Variants in SLC3A2 observed in about 807,000 individuals in gnomAD.
The protein encoded by SLC3A2 is amino acid transporter heavy chain SLC3A2.
SLC3A2 carries 32 observed loss-of-function variants against 48.5 expected under a neutral mutation model. That is an observed-to-expected ratio of 0.66 (90% CI 0.50 to 0.89). The LOEUF (loss-of-function observed/expected upper bound fraction) is 0.89. Among genes scored for constraint, SLC3A2 ranks in the 40% least tolerant of loss-of-function variants. The pLI is 0.00. For missense variants in SLC3A2, 587 were observed against 680.7 expected (o/e 0.86, Z 1.53); for synonymous variants, 277 against 288.8 (o/e 0.96, Z 0.41).
intron 1 of SLC3A2, among the ~76,000 whole-genome samples, chr11:62,872,605 A>AT (rs1235757535): frequency 6.6e-6 from 1 of 152,028 alleles, no homozygotes; most frequent in Admixed American, 6.6e-5. Context: ...AAATTAACCA[A>AT]TTTTTTCTTT....
At chr11:62,865,603 C>G (rs1183115269) in intron 1 of SLC3A2, among the ~76,000 whole-genome samples, 2 of 150,266 alleles carry the variant, frequency 1.3e-5, no homozygotes, top group Non-Finnish European at 3.0e-5. Flanking sequence ...GATCCAGGAG[C>G]TGAATCAAGG....
At chr11:62,862,636 A>G (rs971298578) in intron 1 of SLC3A2, among the ~76,000 whole-genome samples, 2 of 152,132 alleles carry the variant, frequency 1.3e-5, no homozygotes, top group African/African-American at 4.8e-5. Context: ...ACAATTCACA[A>G]ATAGGACTCA....
At chr11:62,886,221 A>C (rs1404254026) in intron 7 of SLC3A2, among the ~76,000 whole-genome samples, 3 of 152,004 alleles carry the variant, frequency 2.0e-5, no homozygotes, top group Non-Finnish European at 4.4e-5. Flanking sequence ...ACCTGGAGGC[A>C]GAGGTTGCAG....
intron 1 of SLC3A2, among the ~76,000 whole-genome samples, chr11:62,870,305 C>G (rs2085497738): frequency 6.6e-6 from 1 of 151,604 alleles, no homozygotes; most frequent in Non-Finnish European, 1.5e-5. Context: ...CCTCAGCCTC[C>G]CAGGTAGATG....
chr11:62,879,185 A>G (rs1257822714), upstream of SLC3A2, among the ~76,000 whole-genome samples: 1 of 152,160 alleles, frequency 6.6e-6, no homozygotes, highest in Non-Finnish European at 1.5e-5. Context: ...CTCATGCCAC[A>G]GCATGAGAAG....
chr11:62,861,159 T>C (rs1013610630), intron 1 of SLC3A2, among the ~76,000 whole-genome samples: 8 of 151,558 alleles, frequency 5.3e-5, no homozygotes, highest in Non-Finnish European at 1.0e-4. Context: ...GGGCAACATA[T>C]GGAGCCCGTC....
intron 2 of SLC3A2, chr11:62,882,372 GA>G (rs1353596774): frequency 2.8e-5 from 9 of 323,058 alleles, no homozygotes; most frequent in African/African-American, 1.3e-4. Flanking sequence ...TGGGGGGGGG[GA>G]ATCCCAAATA....
chr11:62,873,733 C>G (rs892069318), intron 1 of SLC3A2, among the ~76,000 whole-genome samples: 4 of 152,058 alleles, frequency 2.6e-5, no homozygotes, highest in Non-Finnish European at 5.9e-5. Flanking sequence ...TTTTGGCCTC[C>G]CAAATTACAG....
intron 3 of SLC3A2, chr11:62,883,568 G>C (rs186364533): frequency 2.4e-5 from 5 of 205,234 alleles, no homozygotes; most frequent in Non-Finnish European, 5.1e-5. Context: ...ACACTGACCT[G>C]TTCAGAATGG....
chr11:62,877,063 C>CTTT (rs71691999), upstream of SLC3A2, among the ~76,000 whole-genome samples: 300 of 134,232 alleles, frequency 2.2e-3, 2 homozygotes, highest in African/African-American at 7.2e-3. Flanking sequence ...TCTTCCTTTT[C>CTTT]TTTTTTTTTT....
chr11:62,880,963 G>A lies in SLC3A2; in HGVS notation c.-61G>A. The stretch of plus-strand genomic sequence containing the variant: ...AGAGCGTTCTGGGTCCGAGGGTCCA[G>A]GTAGGGGTTGAGCCACCATCTGACC... On this transcript the variant is annotated 5_prime_UTR_variant, in exon 1 of 9. Transcript: ENST00000338663. 6.6e-7 allele frequency: 1 copy of A among 1,513,096 alleles called. No individual in the cohort carries two copies. Among genetic ancestry groups the A allele is most frequent in the Non-Finnish European group, 8.8e-7 (1 of 1,131,250 alleles). 93.7% of individuals were successfully genotyped at this position (1,513,096 alleles called of 1,614,324 possible). A position where few individuals can be genotyped will look rare whatever the true frequency, so the allele number is the denominator to read the frequency against.
Position 62,888,234 on chromosome 11 carries a change from G to A in SLC3A2, c.1227+16G>A, listed in dbSNP as rs1010507101. The A allele has an allele frequency of 1.3e-5, 21 of 1,612,982 alleles. No individual in the cohort carries two copies. Among genetic ancestry groups the A allele is most frequent in the Admixed American group, 3.3e-5 (2 of 59,972 alleles). ...GACTGTGAAGGTAAGAGTTCTAGATGGGTAGAAACTGACCGGTGGAGGGTG... is the reference window on the plus strand; with the variant it reads ...GACTGTGAAGGTAAGAGTTCTAGATAGGTAGAAACTGACCGGTGGAGGGTG... On this transcript the variant is annotated intron_variant, in intron 8 of 8. Coordinates refer to ENST00000338663, the MANE Select transcript of SLC3A2 (RefSeq NM_001013251.3).
rs1195368585 is a variant in SLC3A2 at position 62,881,642 on chromosome 11, C to G, written c.424+195C>G. 1 of 938,734 alleles carries G rather than the reference C, an allele frequency of 1.1e-6. No homozygotes were observed. The highest frequency in any genetic ancestry group is 1.7e-5 in the African/African-American group (1 of 60,110). The allele number at this position is 938,734 out of a possible 1,614,324, so 58.2% of individuals were successfully genotyped here. Reference sequence around the variant, plus strand: ...CTTTGAAGAAAGCCGACCCGCCCCTCACTCCGTCACGAGGGTGGGTGACTC... The same window carrying G: ...CTTTGAAGAAAGCCGACCCGCCCCTGACTCCGTCACGAGGGTGGGTGACTC... On this transcript the variant is annotated intron_variant, in intron 1 of 8. Transcript: ENST00000338663. This position sits in a 1 kb window ranked among gnomAD's most constrained non-coding sequence, Gnocchi z 4.0.
intron 1 of SLC3A2, chr11:62,871,590 CTG>C (rs2085517728): frequency 1.5e-6 from 1 of 652,948 alleles, no homozygotes; most frequent in Non-Finnish European, 2.8e-6. Context: ...CGGGGTCTGA[CTG>C]TGTTACCCAG....
chr11:62,882,814 C>T, intron 2 of SLC3A2, 94 bp from the exon 3 acceptor site: 7 of 1,052,218 alleles, frequency 6.7e-6, no homozygotes, highest in South Asian at 6.4e-5. Context: ...CCAAGTAATA[C>T]ATAGGAAACA....
intron 1 of SLC3A2, among the ~76,000 whole-genome samples, chr11:62,863,202 T>C (rs2085420411): frequency 6.6e-6 from 1 of 152,146 alleles, no homozygotes; most frequent in African/African-American, 2.4e-5. Flanking sequence ...ATTACAGGCG[T>C]GAGCCACCAC....
At chr11:62,859,158 G>A (rs1305454399) in intron 1 of SLC3A2, among the ~76,000 whole-genome samples, 1 of 152,108 alleles carries the variant, frequency 6.6e-6, no homozygotes, top group African/African-American at 2.4e-5. Flanking sequence ...ACAATACCTG[G>A]CTTTCCTAGG....
At chr11:62,862,640 G>A (rs998704288) in intron 1 of SLC3A2, among the ~76,000 whole-genome samples, 1 of 152,000 alleles carries the variant, frequency 6.6e-6, no homozygotes, top group African/African-American at 2.4e-5. Context: ...TTCACAAATA[G>A]GACTCAATAT....
At chr11:62,882,239 C>T in intron 2 of SLC3A2, 173 bp downstream of exon 2, 1 of 726,532 alleles carries the variant, frequency 1.4e-6, no homozygotes, top group Non-Finnish European at 2.2e-6. Flanking sequence ...CGTCTGGGGG[C>T]TTTCTACTTG....
Sources: allele counts gnomAD v4.1 joint callset (sites outside exome capture counted in the v4.1 genomes callset), GRCh38; gene constraint gnomAD v4.1.1; non-coding constraint Gnocchi (gnomAD v3.1); transcripts MANE v1.5; gene names NCBI Gene and HGNC (gene_info 2026-07-23, HGNC 2026-07-21).